The following ALK variants were observed in gnomAD, a reference collection of about 807,000 sequenced individuals.
ALK encodes the protein ALK receptor tyrosine kinase, also known as ALK tyrosine kinase receptor.
A neutral mutation model predicts 163.1 loss-of-function variants in ALK; 74 were observed. That is an observed-to-expected ratio of 0.45 (90% CI 0.38 to 0.55). The LOEUF (loss-of-function observed/expected upper bound fraction) is 0.55. Ranked by LOEUF, ALK falls within the 20% of genes least tolerant of loss-of-function variation. ALK has a pLI of 0.00. For missense variants in ALK, 2,063 were observed against 2,105.3 expected, an observed-to-expected ratio of 0.98 and a Z score of 0.39; for synonymous variants, 960 against 843.2, an observed-to-expected ratio of 1.14 and a Z score of -2.40.
chr2:29,702,835 G>A (rs911474441), intron 2 of ALK, among the ~76,000 whole-genome samples: 2 of 152,240 alleles, frequency 1.3e-5, no homozygotes, highest in African/African-American at 4.8e-5. Flanking sequence ...ACAGGAAAAA[G>A]CTGCCCCCAC....
In ALK at chr2:29,673,394, A is replaced by G. The variant is rs1398140407; in HGVS notation, c.952+21456T>C. On this transcript the variant is annotated intron_variant, in intron 3 of 28. Transcript: ENST00000389048. ...GGGATCCAGTTTCAGCTTTCTACAT[A>G]TGGCTAGCCAGTTTTCCCAGCACCA... is the stretch of plus-strand genomic sequence containing the variant. 2.0e-4 allele frequency among the ~76,000 whole-genome samples: 28 copies of G among 138,952 alleles called. No individual in the cohort carries two copies. In the South Asian group the frequency reaches 6.8e-3, roughly 34 times the overall value. 91.2% of individuals were successfully genotyped at this position (138,952 alleles called of 152,430 possible).
At chr2:29,844,165 T>C (rs2148396498) in intron 1 of ALK, among the ~76,000 whole-genome samples, 1 of 151,186 alleles carries the variant, frequency 6.6e-6, no homozygotes, top group Admixed American at 6.6e-5. Context: ...TAAGAAGGAG[T>C]TGTCTGGACA....
chr2:29,474,368 C>T (rs908474071), intron 4 of ALK, among the ~76,000 whole-genome samples: 5 of 152,170 alleles, frequency 3.3e-5, no homozygotes, highest in Admixed American at 6.5e-5. Flanking sequence ...TCTTACCTGC[C>T]GGTAAGTGTT....
At chr2:29,637,866 A>G (rs185278609) in intron 3 of ALK, among the ~76,000 whole-genome samples, 97 of 152,300 alleles carry the variant, frequency 6.4e-4, no homozygotes, top group South Asian at 2.1e-4. Flanking sequence ...ATATTATTTT[A>G]TAACTGTATA....
chr2:29,336,223 C>T (rs1667609316), intron 5 of ALK, among the ~76,000 whole-genome samples: 1 of 152,214 alleles, frequency 6.6e-6, no homozygotes, highest in South Asian at 2.1e-4. Flanking sequence ...TCGAAGGTCC[C>T]TTCCTTCTCT....
At chr2:29,380,230 C>T (rs775517985) in intron 5 of ALK, among the ~76,000 whole-genome samples, 19 of 150,938 alleles carry the variant, frequency 1.3e-4, no homozygotes, top group African/African-American at 3.4e-4. Context: ...CTCAGCCTCC[C>T]GGGGAGCTGG....
intron 1 of ALK, among the ~76,000 whole-genome samples, chr2:29,768,533 C>T (rs1384369637): frequency 6.6e-6 from 1 of 151,976 alleles, no homozygotes; most frequent in Non-Finnish European, 1.5e-5. Context: ...GGAAAAGATA[C>T]AACAAAGTTC....
chr2:29,241,515 G>T (rs1218502631), intron 12 of ALK, among the ~76,000 whole-genome samples: 1 of 151,884 alleles, frequency 6.6e-6, no homozygotes, highest in Non-Finnish European at 1.5e-5. Context: ...TGGTTGTGGG[G>T]TGTGGTGATG....
At chr2:29,745,341 C>T (rs905560099) in intron 1 of ALK, among the ~76,000 whole-genome samples, 2 of 152,190 alleles carry the variant, frequency 1.3e-5, no homozygotes, top group South Asian at 2.1e-4. Context: ...CAACTTCCTG[C>T]CAGCTTCCAC....
At chr2:29,872,388 G>A (rs1482319569) in intron 1 of ALK, among the ~76,000 whole-genome samples, 1 of 152,176 alleles carries the variant, frequency 6.6e-6, no homozygotes, top group African/African-American at 2.4e-5. Flanking sequence ...GCTTACAGTG[G>A]GGTTATGTCC....
At chr2:29,328,317 C>T (rs1353655264) in intron 6 of ALK, 33 bp downstream of exon 6, 1 of 1,613,926 alleles carries the variant, frequency 6.2e-7, no homozygotes, top group East Asian at 2.2e-5. Context: ...ATGGGCTGGG[C>T]TCAGGCAGGG....
chr2:29,574,955 C>G (rs1388341705), intron 3 of ALK, among the ~76,000 whole-genome samples: 2 of 152,160 alleles, frequency 1.3e-5, no homozygotes, highest in African/African-American at 2.4e-5. Context: ...ATTATTAATA[C>G]CTGCACGGCA....
chr2:29,517,414 T>C (rs1035581908), intron 4 of ALK, among the ~76,000 whole-genome samples: 3 of 152,222 alleles, frequency 2.0e-5, no homozygotes, highest in African/African-American at 7.2e-5. Flanking sequence ...AAGCAGCTTT[T>C]ACTGGGGCAC....
intron 2 of ALK, among the ~76,000 whole-genome samples, chr2:29,709,643 T>C (rs1056739416): frequency 6.6e-6 from 1 of 152,148 alleles, no homozygotes; most frequent in African/African-American, 2.4e-5. Context: ...CATAAAAATT[T>C]TCTCCATGAG....
chr2:29,291,009 T>C (rs1666007565), intron 9 of ALK, among the ~76,000 whole-genome samples: 1 of 152,140 alleles, frequency 6.6e-6, no homozygotes, highest in Non-Finnish European at 1.5e-5. Flanking sequence ...AGTAAACTAA[T>C]GTGAAATGGA....
chr2:29,403,054 A>G (rs1162932227), intron 4 of ALK, among the ~76,000 whole-genome samples: 1 of 152,170 alleles, frequency 6.6e-6, no homozygotes, highest in African/African-American at 2.4e-5. Context: ...TTAGTCTGTC[A>G]TCTGTGAAGT....
intron 3 of ALK, among the ~76,000 whole-genome samples, chr2:29,673,184 A>G (rs1213145563): frequency 6.9e-6 from 1 of 144,846 alleles, no homozygotes; most frequent in Non-Finnish European, 1.5e-5. Context: ...TAGTTTAATT[A>G]GATCCCATTT....
At chr2:29,200,901 G>A (rs1312435374) in intron 26 of ALK, among the ~76,000 whole-genome samples, 1 of 131,554 alleles carries the variant, frequency 7.6e-6, no homozygotes, top group Non-Finnish European at 1.6e-5. Flanking sequence ...CTTTCTTTTG[G>A]TATTAAACTT....
At chr2:29,266,504 T>G (rs993248394) in intron 11 of ALK, among the ~76,000 whole-genome samples, 1 of 152,268 alleles carries the variant, frequency 6.6e-6, no homozygotes, top group African/African-American at 2.4e-5. Context: ...ATAATGTTAA[T>G]TACAATGTCA....
Sources: gnomAD v4.1 joint callset for allele counts (sites outside exome capture counted in the v4.1 genomes callset) on GRCh38, gnomAD v4.1.1 for gene constraint, MANE v1.5 for transcripts, NCBI Gene and HGNC (gene_info 2026-07-23, HGNC 2026-07-21) for gene names.